PPDPF: variants seen among roughly 807,000 people sequenced by gnomAD.
PPDPF encodes exocrine differentiation and proliferation factor.
Under a neutral mutation model 6.3 loss-of-function variants are expected in PPDPF, and 11 were observed. That is an observed-to-expected ratio of 1.76 (90% CI 1.11 to 2.91). The LOEUF (loss-of-function observed/expected upper bound fraction) is 2.91. Ranked by LOEUF, PPDPF falls within the 30% of genes most tolerant of loss-of-function variation. The pLI, the probability that PPDPF is intolerant of heterozygous loss-of-function variation, is 0.00. For synonymous variants in PPDPF, 86 were observed against 64.5 expected, an observed-to-expected ratio of 1.33 and a Z score of -1.60; for missense variants, 202 against 159.4, an observed-to-expected ratio of 1.27 and a Z score of -1.44.
chr20:63,521,566 G>A lies in PPDPF; in HGVS notation c.110G>A (p.Gly37Glu). 6.2e-7 allele frequency: 1 copy of A among 1,607,582 alleles called. No individual in the cohort carries two copies. The highest frequency in any genetic ancestry group is 8.5e-7 in the Non-Finnish European group (1 of 1,176,840). Residue 37 changes from glycine (G) to glutamate (E), a missense_variant, in exon 3 of 4, where the codon GGG becomes GAG. Transcript: ENST00000370179. ...NSSCSSTECP[G>E]EAIPHPPGLP... ...TCCTGCAGCAGTACCGAGTGCCCCG[G>A]GGAAGCCATTCCCCACCCCCCAGGT...
In PPDPF at chr20:63,521,301, G is replaced by A. The variant is rs889902793; in HGVS notation, c.-8G>A. On this transcript the variant is annotated 5_prime_UTR_variant, in exon 2 of 4. Transcript: ENST00000370179. The stretch of plus-strand genomic sequence containing the variant: ...ATGCGCAGATCCCACCAGCCAGCAA[G>A]CTAAAGCATGGCGGCCATCCCCTCC... 1.2e-6 allele frequency: 2 copies of A among 1,609,556 alleles called. No individual in the cohort carries two copies. The highest frequency in any genetic ancestry group is 8.5e-7 in the Non-Finnish European group (1 of 1,178,542).
rs1326376214 is a variant in PPDPF at position 63,521,265 on chromosome 20, C to T, written c.-25-19C>T. ...CGGAAGGCCGCTGACCCGAGGGGCTCCTCCACCCCCATGCGCAGATCCCAC... is the reference window on the plus strand; with the variant it reads ...CGGAAGGCCGCTGACCCGAGGGGCTTCTCCACCCCCATGCGCAGATCCCAC... On this transcript the variant is annotated intron_variant, in intron 1 of 3. Transcript: ENST00000370179. The T allele has an allele frequency of 5.7e-6, 9 of 1,572,298 alleles. No homozygotes were observed. The highest frequency in any genetic ancestry group is 2.4e-5 in the East Asian group (1 of 42,192).
Position 63,522,187 on chromosome 20 carries a change from C to T in PPDPF, c.*308C>T. 2.0e-5 allele frequency: 9 copies of T among 460,288 alleles called. No individual in the cohort carries two copies. The South Asian group carries it at 2.2e-4, about 11-fold the overall frequency. The allele number at this position is 460,288 out of a possible 1,614,324, so 28.5% of individuals were successfully genotyped here. A position where few individuals can be genotyped will look rare whatever the true frequency, so the allele number is the denominator to read the frequency against. On this transcript the variant is annotated 3_prime_UTR_variant, in exon 4 of 4. Transcript: ENST00000370179. ...GTAGCCCCGATGGTGTGTGCCTGAG[C>T]TGTGTGGCCCGAGGTTCCATTTGAG...
chr20:63,521,451 G>T (rs758145550), intron 2 of PPDPF, 61 bp from the exon 3 acceptor site: 30 of 1,572,930 alleles, frequency 1.9e-5, no homozygotes, highest in Non-Finnish European at 2.4e-5. Context: ...CGCTCGGCCT[G>T]AAGGCCGGTG....
Position 63,521,677 on chromosome 20 carries a change from A to T in PPDPF, c.143A>T (p.Lys48Met). The T allele has an allele frequency of 6.2e-7, 1 of 1,613,278 alleles. No homozygotes were observed. Among genetic ancestry groups the T allele is most frequent in the Non-Finnish European group, 8.5e-7 (1 of 1,179,970 alleles). ...ACTTCGCTTCTCTCAGGTCTCCCCA[A>T]GGCTGACCCGGGTCATTGGTGGGCC... Reference protein sequence around the residue: ...EAIPHPPGLPKADPGHWWASF... With the variant: ...EAIPHPPGLPMADPGHWWASF... The change falls in exon 4 of 4, where the codon AAG (lysine) becomes ATG (methionine). Residue 48 changes from lysine to methionine, a missense_variant. Transcript: ENST00000370179.
At position 63,521,926 on chromosome 20, in the gene PPDPF, C is replaced by T; in HGVS notation, c.*47C>T. 6.9e-7 allele frequency: 1 copy of T among 1,459,452 alleles called. No homozygotes were observed. The highest frequency in any genetic ancestry group is 9.3e-7 in the Non-Finnish European group (1 of 1,074,610). The allele number at this position is 1,459,452 out of a possible 1,614,324, so 90.4% of individuals were successfully genotyped here. ...CCAGGCCTGCGGAGGCGCTAGTCCA[C>T]CAGAGCCCCTCCCCGCCCCTCTCCC... On this transcript the variant is annotated 3_prime_UTR_variant, in exon 4 of 4. Coordinates refer to ENST00000370179, the MANE Select transcript of PPDPF (RefSeq NM_024299.4).
At position 63,521,833 on chromosome 20, in the gene PPDPF, A is replaced by G; in HGVS notation, c.299A>G (p.Gln100Arg). Reference sequence around the variant, plus strand: ...CTGGCTCGGGACGCCCCGAGGAAGCAGCCCGGCGGTCAGTCCAGCACAGCC... The same window carrying G: ...CTGGCTCGGGACGCCCCGAGGAAGCGGCCCGGCGGTCAGTCCAGCACAGCC... ...CGLARDAPRKQPGGQSSTASA... is the reference protein window; with the variant it reads ...CGLARDAPRKRPGGQSSTASA... The change falls in exon 4 of 4, where the codon CAG becomes CGG. Residue 100 changes from glutamine to arginine, a missense_variant. Physicochemically the swap from Gln to Arg is conservative, Grantham distance 43 (BLOSUM62 1). Transcript: ENST00000370179. 1 of 1,609,206 alleles carries G rather than the reference A, an allele frequency of 6.2e-7. No homozygotes were observed. Among genetic ancestry groups the G allele is most frequent in the Non-Finnish European group, 8.5e-7 (1 of 1,178,664 alleles).
rs771830542 is a variant in PPDPF at position 63,521,727 on chromosome 20, C to G, written c.193C>G (p.Leu65Val). Residue 65 changes from leucine (L) to valine (V), a missense_variant, in exon 4 of 4, where the codon CTC becomes GTC. Leu to Val is a conservative substitution (Grantham distance 32). Coordinates refer to ENST00000370179, the MANE Select transcript of PPDPF (RefSeq NM_024299.4). ...CAGCTTCTTTTTCGGGAAGTCCACC[C>G]TCCCGTTCATGGCCACGGTGTTGGA... ...WASFFFGKST[L>V]PFMATVLESA... 1.2e-6 allele frequency: 2 copies of G among 1,613,278 alleles called. No homozygotes were observed. The highest frequency in any genetic ancestry group is 1.3e-5 in the African/African-American group (1 of 74,928).
At chr20:63,520,915 G>T (rs1307204949) in intron 1 of PPDPF, 21 bp downstream of exon 1, 1 of 1,005,292 alleles carries the variant, frequency 9.9e-7, no homozygotes, top group Non-Finnish European at 1.2e-6. Context: ...CCGCGCGCGG[G>T]TGGGACGAGC....
At chr20:63,521,437 C>CCAG in intron 2 of PPDPF, 74 bp downstream of exon 2, 2 of 1,581,830 alleles carry the variant, frequency 1.3e-6, no homozygotes, top group Non-Finnish European at 1.7e-6. Context: ...GGCTGCGGAA[C>CCAG]CAGCGCTCGG....
At position 63,521,752 on chromosome 20, in the gene PPDPF, A is replaced by T. The variant is rs762971438; in HGVS notation, c.218A>T (p.Glu73Val). Reference sequence around the variant, plus strand: ...CTCCCGTTCATGGCCACGGTGTTGGAGTCCGCAGAGCACTCGGAACCTCCC... The same window carrying T: ...CTCCCGTTCATGGCCACGGTGTTGGTGTCCGCAGAGCACTCGGAACCTCCC... ...STLPFMATVLESAEHSEPPQA... is the reference protein window; with the variant it reads ...STLPFMATVLVSAEHSEPPQA... The change falls in exon 4 of 4, where the codon GAG (glutamate) becomes GTG (valine). Residue 73 changes from glutamate (E) to valine (V), a missense_variant. Transcript: ENST00000370179. 2.5e-6 allele frequency: 4 copies of T among 1,613,018 alleles called. No individual in the cohort carries two copies. The East Asian group carries it at 8.9e-5, about 36-fold the overall frequency.
chr20:63,521,972 CCTCCCCA>C lies in PPDPF; in HGVS notation c.*95_*101del. ...CTCCCCACTCCGCATCCCTCGCCCCCCTCCCCACCTCCCACCCCCCACCCTGTAAACT... is the reference window on the plus strand; with the variant it reads ...CTCCCCACTCCGCATCCCTCGCCCCCCCTCCCACCCCCCACCCTGTAAACT... On this transcript the variant is annotated 3_prime_UTR_variant, in exon 4 of 4. Transcript: ENST00000370179. 1.1e-6 allele frequency: 1 copy of C among 918,100 alleles called. No individual in the cohort carries two copies. Among genetic ancestry groups the C allele is most frequent in the South Asian group, 1.6e-5 (1 of 60,780 alleles). 56.9% of individuals were successfully genotyped at this position (918,100 alleles called of 1,614,324 possible).
Position 63,521,861 on chromosome 20 carries a change from C to T in PPDPF, c.327C>T (p.Ser109=), listed in dbSNP as rs780959326. 1 of 1,596,222 alleles carries T rather than the reference C, an allele frequency of 6.3e-7. No homozygotes were observed. Among genetic ancestry groups the T allele is most frequent in the Non-Finnish European group, 8.5e-7 (1 of 1,172,334 alleles). The change falls in exon 4 of 4, where the codon AGC becomes AGT. Residue 109 remains serine, a synonymous_variant. Transcript: ENST00000370179. The part of the protein sequence containing the change: ...KQPGGQSSTA[S]AGPPS ...CCGGCGGTCAGTCCAGCACAGCCAG[C>T]GCTGGGCCCCCGTCCTGACCTGAGC...
At position 63,521,819 on chromosome 20, in the gene PPDPF, C is replaced by A. The variant is rs139505743; in HGVS notation, c.285C>A (p.Asp95Glu). ...SSMTACGLAR[D>E]APRKQPGGQS... is the part of the protein sequence containing the mutation. Reference sequence around the variant, plus strand: ...TGACCGCCTGTGGCCTGGCTCGGGACGCCCCGAGGAAGCAGCCCGGCGGTC... The same window carrying A: ...TGACCGCCTGTGGCCTGGCTCGGGAAGCCCCGAGGAAGCAGCCCGGCGGTC... The change falls in exon 4 of 4, where the codon GAC becomes GAA. Residue 95 changes from aspartate (D) to glutamate (E), a missense_variant. By Grantham distance (45) the Asp-to-Glu change is conservative. Coordinates refer to ENST00000370179, the MANE Select transcript of PPDPF (RefSeq NM_024299.4). 3.7e-6 allele frequency: 6 copies of A among 1,611,234 alleles called. No homozygotes were observed. The African/African-American group carries it at 6.7e-5, about 18-fold the overall frequency.
At chr20:63,521,009 C>G (rs970666925) in intron 1 of PPDPF, 115 bp downstream of exon 1, 2 of 843,156 alleles carry the variant, frequency 2.4e-6, no homozygotes, top group South Asian at 1.1e-4. Flanking sequence ...GCTCGGGGTC[C>G]CCGGCGGGCT....
In PPDPF at chr20:63,521,597, C is replaced by A; in HGVS notation, c.133+8C>A. 6.2e-7 allele frequency: 1 copy of A among 1,611,676 alleles called. No homozygotes were observed. Among genetic ancestry groups the A allele is most frequent in the Non-Finnish European group, 8.5e-7 (1 of 1,178,898 alleles). On this transcript the variant is annotated splice_region_variant and intron_variant, in intron 3 of 3. Transcript: ENST00000370179. ...CCATTCCCCACCCCCCAGGTGAGTG[C>A]AGGATCGCCCCTTTCTCCCCCCGCT...
Position 63,521,945 on chromosome 20 carries a change from C to G in PPDPF, c.*66C>G. 1 of 1,262,678 alleles carries G rather than the reference C, an allele frequency of 7.9e-7. No homozygotes were observed. Among genetic ancestry groups the G allele is most frequent in the Non-Finnish European group, 1.1e-6 (1 of 916,710 alleles). The allele number at this position is 1,262,678 out of a possible 1,614,324, so 78.2% of individuals were successfully genotyped here. On this transcript the variant is annotated 3_prime_UTR_variant, in exon 4 of 4. Coordinates refer to ENST00000370179, the MANE Select transcript of PPDPF (RefSeq NM_024299.4). The stretch of plus-strand genomic sequence containing the variant: ...AGTCCACCAGAGCCCCTCCCCGCCC[C>G]TCTCCCCACTCCGCATCCCTCGCCC...
Position 63,522,167 on chromosome 20 carries a change from C to T in PPDPF, c.*288C>T, listed in dbSNP as rs911309208. 1.4e-5 allele frequency: 7 copies of T among 514,228 alleles called. No individual in the cohort carries two copies. The highest frequency in any genetic ancestry group is 2.2e-5 in the Non-Finnish European group (6 of 275,728). 31.9% of individuals were successfully genotyped at this position (514,228 alleles called of 1,614,324 possible). A position where few individuals can be genotyped will look rare whatever the true frequency, so the allele number is the denominator to read the frequency against. Reference sequence around the variant, plus strand: ...AAATAAACTCCAAGCAGCCAGTAGCCCCGATGGTGTGTGCCTGAGCTGTGT... The same window carrying T: ...AAATAAACTCCAAGCAGCCAGTAGCTCCGATGGTGTGTGCCTGAGCTGTGT... On this transcript the variant is annotated 3_prime_UTR_variant, in exon 4 of 4. Coordinates refer to ENST00000370179, the MANE Select transcript of PPDPF (RefSeq NM_024299.4).
intron 1 of PPDPF, 87 bp from the exon 2 acceptor site, chr20:63,521,197 A>G: frequency 7.9e-7 from 1 of 1,271,602 alleles, no homozygotes; most frequent in Non-Finnish European, 1.1e-6. Context: ...TCGGTAAATA[A>G]CCCAGCGCGG....
Sources: allele counts gnomAD v4.1 joint callset, GRCh38; gene constraint gnomAD v4.1.1; transcripts MANE v1.5; gene names NCBI Gene and HGNC (gene_info 2026-07-23, HGNC 2026-07-21).